Variants in TEX15 observed in about 807,000 individuals in gnomAD.
TEX15 encodes the protein testis expressed 15, meiosis and synapsis associated, also known as testis-expressed protein 15.
In TEX15, 171 loss-of-function variants were observed where a neutral mutation model predicts 237.3. That is an observed-to-expected ratio of 0.72 (90% CI 0.64 to 0.82). TEX15 has a LOEUF of 0.82. Ranked by LOEUF, TEX15 falls within the 40% of genes least tolerant of loss-of-function variation. TEX15 has a pLI of 0.00. For synonymous variants in TEX15, 1,338 were observed against 1,269.8 expected (o/e 1.05, Z -1.14); for missense variants, 3,750 against 3,646.5 (o/e 1.03, Z -0.73).
chr8:30,844,237 G>C lies in TEX15; in HGVS notation c.5930C>G (p.Pro1977Arg), dbSNP rs1318821174. Residue 1977 changes from proline (P) to arginine (R), a missense_variant, in exon 8 of 11, where the codon CCT becomes CGT. By Grantham distance (103) the Pro-to-Arg change is moderately radical. Coordinates refer to ENST00000643185, the MANE Select transcript of TEX15 (RefSeq NM_001350162.2). ...TTTAAAATCACTCACGTATGACGCAGGTTTCTTCAGAAGAGTAGGGACTTT... is the reference window on the plus strand; with the variant it reads ...TTTAAAATCACTCACGTATGACGCACGTTTCTTCAGAAGAGTAGGGACTTT... ...TCKVPTLLKK[P>R]ASYVSDFKEK... is the part of the protein sequence containing the mutation. The C allele has an allele frequency of 1.9e-6, 3 of 1,612,412 alleles. No individual in the cohort carries two copies. The African/African-American group carries it at 4.0e-5, about 22-fold the overall frequency.
chr8:30,844,329 A>G lies in TEX15; in HGVS notation c.5838T>C (p.Tyr1946=), dbSNP rs1279963431. ...CTCCTAGAATTCCTGGTTTGGAAAT[A>G]TAGGCTATTTCTGAATGTAATGTCA... ...SDLTLHSEIA[Y]ISKPGILGVN... Residue 1946 remains tyrosine (Y), a synonymous_variant, in exon 8 of 11, where the codon TAT becomes TAC. Transcript: ENST00000643185. 1 of 1,613,114 alleles carries G rather than the reference A, an allele frequency of 6.2e-7. No individual in the cohort carries two copies. The highest frequency in any genetic ancestry group is 8.5e-7 in the Non-Finnish European group (1 of 1,179,496).
intron 2 of TEX15, chr8:30,888,775 T>C (rs1380098670): frequency 1.7e-5 from 11 of 645,938 alleles, no homozygotes; most frequent in African/African-American, 1.7e-4. Context: ...TTCACAAGGA[T>C]GTCCCTCTTA....
At position 30,833,179 on chromosome 8, in the gene TEX15, C is replaced by T. The variant is rs1585274855; in HGVS notation, c.*107G>A. The stretch of plus-strand genomic sequence containing the variant: ...CAAAGGACCATATGATTTATATTTC[C>T]TACCACATTTACAAACATTAAAAAT... On this transcript the variant is annotated 3_prime_UTR_variant, in exon 11 of 11. Coordinates refer to ENST00000643185, the MANE Select transcript of TEX15 (RefSeq NM_001350162.2). 3 of 708,050 alleles carry T rather than the reference C, an allele frequency of 4.2e-6. No homozygotes were observed. Among genetic ancestry groups the T allele is most frequent in the African/African-American group, 3.6e-5 (2 of 54,918 alleles). 43.9% of individuals were successfully genotyped at this position (708,050 alleles called of 1,614,324 possible).
chr8:30,883,238 A>G (rs1013068028), intron 3 of TEX15, among the ~76,000 whole-genome samples: 2 of 152,092 alleles, frequency 1.3e-5, no homozygotes, highest in Non-Finnish European at 2.9e-5. Flanking sequence ...AGCTTCCCAA[A>G]TAATGTTGAA....
In TEX15 at chr8:30,851,130, ATAAACTT is replaced by A. The variant is rs1277209842; in HGVS notation, c.851-1821_851-1815del. Among the ~76,000 whole-genome samples, 721 of 152,346 alleles carry A rather than the reference ATAAACTT, an allele frequency of 4.7e-3. 7 individuals are homozygous for A. The highest frequency in any genetic ancestry group is 0.016 in the African/African-American group (679 of 41,570). ...CCATTCTTACTCATTTACTACTCTG[ATAAACTT>A]GTATAAATACCCAAAGTTCTATGGA... On this transcript the variant is annotated intron_variant, in intron 7 of 10. Coordinates refer to ENST00000643185, the MANE Select transcript of TEX15 (RefSeq NM_001350162.2).
intron 7 of TEX15, among the ~76,000 whole-genome samples, chr8:30,858,225 C>T (rs577537870): frequency 6.6e-6 from 1 of 151,854 alleles, no homozygotes; most frequent in African/African-American, 2.4e-5. Flanking sequence ...GAGCAAAATA[C>T]CTGCAGTATG....
chr8:30,872,311 A>G (rs1808307040), intron 4 of TEX15, among the ~76,000 whole-genome samples: 1 of 152,160 alleles, frequency 6.6e-6, no homozygotes, highest in African/African-American at 2.4e-5. Context: ...CCTATTGCCT[A>G]GTGATAGCTT....
chr8:30,896,575 A>G (rs1032775081), intron 2 of TEX15, among the ~76,000 whole-genome samples: 4 of 152,210 alleles, frequency 2.6e-5, no homozygotes, highest in East Asian at 3.9e-4. Flanking sequence ...ATAACTCCCC[A>G]AAAGAATGCC....
In TEX15 at chr8:30,846,888, A is replaced by G. The variant is rs864309485; in HGVS notation, c.3279T>C (p.Tyr1093=). The G allele has an allele frequency of 1.2e-6, 2 of 1,613,856 alleles. No individual in the cohort carries two copies. Among genetic ancestry groups the G allele is most frequent in the Non-Finnish European group, 8.5e-7 (1 of 1,179,818 alleles). The part of the protein sequence containing the change: ...NMLCEEFVTS[Y]KALKSRISWE... The stretch of plus-strand genomic sequence containing the variant: ...AACTGATACGAGACTTCAGAGCCTT[A>G]TATGAGGTCACAAATTCTTCACAAA... The change falls in exon 8 of 11, where the codon TAT becomes TAC. Residue 1093 remains tyrosine (Y), a synonymous_variant. Transcript: ENST00000643185.
At chr8:30,901,009 G>A (rs575011563) in intron 1 of TEX15, among the ~76,000 whole-genome samples, 8 of 152,208 alleles carry the variant, frequency 5.3e-5, no homozygotes, top group Admixed American at 2.0e-4. Context: ...TTAGCCAGGC[G>A]TGCCTGTAGT....
Position 30,844,391 on chromosome 8 carries a change from C to T in TEX15, c.5776G>A (p.Gly1926Arg), listed in dbSNP as rs767206344. 5.0e-6 allele frequency: 8 copies of T among 1,610,242 alleles called. No individual in the cohort carries two copies. The highest frequency in any genetic ancestry group is 2.2e-5 in the East Asian group (1 of 44,856). The change falls in exon 8 of 11, where the codon GGG becomes AGG. Residue 1926 changes from glycine to arginine, a missense_variant. Physicochemically the swap from Gly to Arg is moderately radical, Grantham distance 125. Coordinates refer to ENST00000643185, the MANE Select transcript of TEX15 (RefSeq NM_001350162.2). ...SNPLNKREKK[G>R]EIKVSKDSQS... ...GAGTCTTTACTAACTTTAATTTCCCCCTTCTTCTCTCTTTTGTTAAGCGGA... is the reference window on the plus strand; with the variant it reads ...GAGTCTTTACTAACTTTAATTTCCCTCTTCTTCTCTCTTTTGTTAAGCGGA...
rs1028725302 is a variant in TEX15, at chr8:30,892,509, C to G, written c.-9-5198G>C. On this transcript the variant is annotated intron_variant, in intron 2 of 10. Coordinates refer to ENST00000643185, the MANE Select transcript of TEX15 (RefSeq NM_001350162.2). ...ACAATAAATCTTGTTTAGGTTTTAA[C>G]TGGAACTTCACTGAACCCAGTGATC... Among the ~76,000 whole-genome samples the G allele has an allele frequency of 1.5e-4, 23 of 152,094 alleles. 1 individual carries two copies. The highest frequency in any genetic ancestry group is 1.4e-3 in the Admixed American group (22 of 15,264).
intron 7 of TEX15, among the ~76,000 whole-genome samples, chr8:30,850,665 C>A (rs991573862): frequency 7.2e-5 from 11 of 151,830 alleles, no homozygotes; most frequent in African/African-American, 2.7e-4. Context: ...GATTCCTACA[C>A]CTACACCAAA....
chr8:30,899,041 T>C (rs931742540), intron 1 of TEX15, among the ~76,000 whole-genome samples: 21 of 152,096 alleles, frequency 1.4e-4, no homozygotes, highest in Non-Finnish European at 2.6e-4. Context: ...TCCCTCCTCT[T>C]TTCTCAATAA....
rs1302291873 is a variant in TEX15, at chr8:30,847,206, T to G, written c.2961A>C (p.Ile987=). Residue 987 remains isoleucine (I), a synonymous_variant, in exon 8 of 11, where the codon ATA becomes ATC. Coordinates refer to ENST00000643185, the MANE Select transcript of TEX15 (RefSeq NM_001350162.2). ...TTAATGCAGGCATAGTAGCACTAGC[T>G]ATCTGTATTGCAGCATTTGAGGCTA... ...VCVASNAAIQ[I]ASATMPALSL... 1 of 1,613,996 alleles carries G rather than the reference T, an allele frequency of 6.2e-7. No homozygotes were observed. Among genetic ancestry groups the G allele is most frequent in the East Asian group, 2.2e-5 (1 of 44,880 alleles).
rs775155110 is a variant in TEX15, at chr8:30,837,450, T to C, written c.8834A>G (p.Lys2945Arg). 2 of 1,614,140 alleles carry C rather than the reference T, an allele frequency of 1.2e-6. No homozygotes were observed. Among genetic ancestry groups the C allele is most frequent in the African/African-American group, 2.7e-5 (2 of 75,056 alleles). The change falls in exon 10 of 11, where the codon AAA becomes AGA. Residue 2945 changes from lysine to arginine, a missense_variant. By Grantham distance (26) the Lys-to-Arg change is conservative. Transcript: ENST00000643185. ...TTTGTTTATCTGCAGAGTAGGAATT[T>C]TGTTCTGGATACAGATGGGTTCTGG... ...TSPEPICIQN[K>R]IPTLQINKLQ... is the part of the protein sequence containing the mutation.
At chr8:30,892,061 A>G (rs1487161922) in intron 2 of TEX15, among the ~76,000 whole-genome samples, 1 of 152,130 alleles carries the variant, frequency 6.6e-6, no homozygotes, top group East Asian at 1.9e-4. Flanking sequence ...CTTTTGATCA[A>G]CTTTAAGAAA....
Position 30,846,091 on chromosome 8 carries a change from C to T in TEX15, c.4076G>A (p.Ser1359Asn), listed in dbSNP as rs1241287760. 1 of 1,613,434 alleles carries T rather than the reference C, an allele frequency of 6.2e-7. No individual in the cohort carries two copies. The highest frequency in any genetic ancestry group is 8.5e-7 in the Non-Finnish European group (1 of 1,179,602). The change falls in exon 8 of 11, where the codon AGT (serine) becomes AAT (asparagine). Residue 1359 changes from serine (S) to asparagine (N), a missense_variant. Ser to Asn is a conservative substitution (Grantham distance 46). Transcript: ENST00000643185. Reference sequence around the variant, plus strand: ...TTCATCACTTAGGATATTTAGGACACTCTTAATGTGCTTTTCTGACTGTGA... The same window carrying T: ...TTCATCACTTAGGATATTTAGGACATTCTTAATGTGCTTTTCTGACTGTGA... ...TFSQSEKHIK[S>N]VLNILSDEAS...
intron 3 of TEX15, among the ~76,000 whole-genome samples, chr8:30,885,309 T>C (rs1808622787): frequency 6.6e-6 from 1 of 152,158 alleles, no homozygotes; most frequent in African/African-American, 2.4e-5. Flanking sequence ...GGGGCAAGTC[T>C]TTCCCGTGCT....
Sources: allele counts gnomAD v4.1 joint callset (sites outside exome capture counted in the v4.1 genomes callset), GRCh38; gene constraint gnomAD v4.1.1; transcripts MANE v1.5; gene names NCBI Gene and HGNC (gene_info 2026-07-23, HGNC 2026-07-21).